RIMBP2: variants seen among roughly 807,000 people sequenced by gnomAD.
RIMBP2 encodes the protein RIMS binding protein 2.
A neutral mutation model predicts 118.6 loss-of-function variants in RIMBP2; 48 were observed. That is an observed-to-expected ratio of 0.40 (90% CI 0.32 to 0.51). The LOEUF (loss-of-function observed/expected upper bound fraction) is 0.51. Among genes scored for constraint, RIMBP2 ranks in the 20% least tolerant of loss-of-function variants. RIMBP2 has a pLI of 0.41. For missense variants in RIMBP2, 1,551 were observed against 1,768.3 expected, an observed-to-expected ratio of 0.88 and a Z score of 2.20; for synonymous variants, 762 against 742.9, an observed-to-expected ratio of 1.03 and a Z score of -0.42.
chr12:130,680,260 C>G (rs1409797480), intron 1 of RIMBP2, among the ~76,000 whole-genome samples: 1 of 152,200 alleles, frequency 6.6e-6, no homozygotes, highest in Admixed American at 6.5e-5. Context: ...GGAACTTTTC[C>G]TACAGGGATT....
intron 19 of RIMBP2, 88 bp downstream of exon 19, chr12:130,412,531 G>T: frequency 1.7e-6 from 2 of 1,208,280 alleles, no homozygotes; most frequent in Non-Finnish European, 1.2e-6. Context: ...GCAATTTGGG[G>T]TCTCCTCATC....
intron 1 of RIMBP2, among the ~76,000 whole-genome samples, chr12:130,663,159 A>G (rs1180902030): frequency 6.6e-6 from 1 of 152,178 alleles, no homozygotes; most frequent in Non-Finnish European, 1.5e-5. Flanking sequence ...CAAGAGGATA[A>G]CAGGGTGGAG....
chr12:130,635,538 A>G (rs2062299366), intron 1 of RIMBP2, among the ~76,000 whole-genome samples: 1 of 152,002 alleles, frequency 6.6e-6, no homozygotes, highest in African/African-American at 2.4e-5. Flanking sequence ...AATCATCCCC[A>G]CCTGGGACCC....
chr12:130,424,787 C>T lies in RIMBP2; in HGVS notation c.2484G>A (p.Arg828=). The T allele has an allele frequency of 8.1e-7, 1 of 1,232,942 alleles. No homozygotes were observed. Among genetic ancestry groups the T allele is most frequent in the Non-Finnish European group, 1.0e-6 (1 of 988,636 alleles). The allele number at this position is 1,232,942 out of a possible 1,614,324, so 76.4% of individuals were successfully genotyped here. A position where few individuals can be genotyped will look rare whatever the true frequency, so the allele number is the denominator to read the frequency against. Residue 828 remains arginine (R), a synonymous_variant, in exon 16 of 23, where the codon AGG becomes AGA. Coordinates refer to ENST00000690449, the MANE Select transcript of RIMBP2 (RefSeq NM_001393629.1). The surrounding 1 kb of genome is among the most constrained non-coding windows in gnomAD (Gnocchi z 9.8). ...CTTCGGGGATACTGAAAAGTCTCTTCCTGTGGGGCTGGTGGGGAAACTCGG... is the reference window on the plus strand; with the variant it reads ...CTTCGGGGATACTGAAAAGTCTCTTTCTGTGGGGCTGGTGGGGAAACTCGG... The part of the protein sequence containing the change: ...EQPEFPHQPH[R]KRLFSIPEVA...
rs766711323 is a variant in RIMBP2 at position 130,424,539 on chromosome 12, C to T, written c.2732G>A (p.Arg911His). The stretch of plus-strand genomic sequence containing the variant: ...GCTGTCCGGGCTCCGGGTGGCCGAG[C>T]GGCTGAACCGACAGCCCCTGTCTTC... ...LLEDRGCRFS[R>H]SATRSPDSGL... The change falls in exon 16 of 23, where the codon CGC becomes CAC. Residue 911 changes from arginine (R) to histidine (H), a missense_variant. By Grantham distance (29) the Arg-to-His change is conservative. Coordinates refer to ENST00000690449, the MANE Select transcript of RIMBP2 (RefSeq NM_001393629.1). This position sits in a 1 kb window ranked among gnomAD's most constrained non-coding sequence, Gnocchi z 9.8. 299 of 1,231,866 alleles carry T rather than the reference C, an allele frequency of 2.4e-4. No homozygotes were observed. Among genetic ancestry groups the T allele is most frequent in the Non-Finnish European group, 3.0e-4 (293 of 987,846 alleles). The allele number at this position is 1,231,866 out of a possible 1,614,324, so 76.3% of individuals were successfully genotyped here.
intron 2 of RIMBP2, among the ~76,000 whole-genome samples, chr12:130,580,362 G>A (rs1422105039): frequency 6.6e-6 from 1 of 152,106 alleles, no homozygotes; most frequent in African/African-American, 2.4e-5. Context: ...TGGTGAATAA[G>A]TCTCATGAGG....
chr12:130,448,227 G>C (rs1393547629), intron 9 of RIMBP2, among the ~76,000 whole-genome samples: 1 of 152,188 alleles, frequency 6.6e-6, no homozygotes, highest in Non-Finnish European at 1.5e-5. Flanking sequence ...GGCCACGGGA[G>C]AGGCAGATGT....
At chr12:130,580,438 T>C (rs1190861396) in intron 2 of RIMBP2, among the ~76,000 whole-genome samples, 1 of 152,304 alleles carries the variant, frequency 6.6e-6, no homozygotes, top group East Asian at 1.9e-4. Context: ...ACGTAAGATG[T>C]GTCTTCCCTC....
At chr12:130,453,311 G>A (rs1433241798) in intron 7 of RIMBP2, among the ~76,000 whole-genome samples, 1 of 152,244 alleles carries the variant, frequency 6.6e-6, no homozygotes, top group Non-Finnish European at 1.5e-5. Context: ...GCCTGCCCCA[G>A]CCACAGGCTG....
At position 130,525,632 on chromosome 12, in the gene RIMBP2, G is replaced by A. The variant is rs2052696657; in HGVS notation, c.-216-7715C>T. 6.6e-6 allele frequency among the ~76,000 whole-genome samples: 1 copy of A among 152,122 alleles called. No individual in the cohort carries two copies. Among genetic ancestry groups the A allele is most frequent in the Non-Finnish European group, 1.5e-5 (1 of 68,022 alleles). On this transcript the variant is annotated intron_variant, in intron 2 of 22. Transcript: ENST00000690449. This position sits in a 1 kb window ranked among gnomAD's most constrained non-coding sequence, Gnocchi z 4.4. ...CATGGGGGCATTGGCAGGTGCAGAT[G>A]GACACATGGGGAAGGCATGAGGGCA...
chr12:130,655,252 A>C (rs1432617490), intron 1 of RIMBP2, among the ~76,000 whole-genome samples: 1 of 152,246 alleles, frequency 6.6e-6, no homozygotes, highest in Non-Finnish European at 1.5e-5. Context: ...AGCCAGCATT[A>C]CTTCCCTGTT....
intron 2 of RIMBP2, among the ~76,000 whole-genome samples, chr12:130,615,276 C>CATACATATATAGAGATAT (rs1455080257): frequency 1.0e-5 from 1 of 100,266 alleles, no homozygotes; most frequent in African/African-American, 3.9e-5. Context: ...AATACACATA[C>CATACATATATAGAGATAT]ATATATATAT....
At chr12:130,664,922 G>A (rs2063852741) in intron 1 of RIMBP2, among the ~76,000 whole-genome samples, 1 of 151,754 alleles carries the variant, frequency 6.6e-6, no homozygotes, top group Admixed American at 6.5e-5. Flanking sequence ...AGGCCGGAGG[G>A]ACAACAGGAA....
At chr12:130,686,735 C>T (rs1197013926) in intron 1 of RIMBP2, among the ~76,000 whole-genome samples, 1 of 152,174 alleles carries the variant, frequency 6.6e-6, no homozygotes, top group Admixed American at 6.5e-5. Flanking sequence ...CCTCGACAGG[C>T]GTGAGGGGCA....
intron 2 of RIMBP2, among the ~76,000 whole-genome samples, chr12:130,541,749 C>G (rs1337512064): frequency 6.6e-6 from 1 of 152,254 alleles, no homozygotes; most frequent in Admixed American, 6.5e-5. Flanking sequence ...CCAGAAGCAA[C>G]ATTTACGTCA....
At chr12:130,537,194 G>T (rs899370857) in intron 2 of RIMBP2, among the ~76,000 whole-genome samples, 1 of 152,096 alleles carries the variant, frequency 6.6e-6, no homozygotes, top group Non-Finnish European at 1.5e-5. Flanking sequence ...ACACAGCATC[G>T]ACTGCAGCTG....
At position 130,412,713 on chromosome 12, in the gene RIMBP2, G is replaced by A. The variant is rs1360434588; in HGVS notation, c.3495C>T (p.Asn1165=). 6 of 1,613,784 alleles carry A rather than the reference G, an allele frequency of 3.7e-6. No homozygotes were observed. Among genetic ancestry groups the A allele is most frequent in the Non-Finnish European group, 5.1e-6 (6 of 1,179,942 alleles). The change falls in exon 19 of 23, where the codon AAC becomes AAT. Residue 1165 remains asparagine, a synonymous_variant. Transcript: ENST00000690449. ...CATCTGCTTGTATCTCAGAGACCAT[G>A]TTACAAGGAATAAGGCCAAGCCGGG... ...TCARLGLIPC[N]MVSEIQADDE... is the part of the protein sequence containing the mutation.
intron 2 of RIMBP2, among the ~76,000 whole-genome samples, chr12:130,522,002 C>T (rs11060968): frequency 0.064 from 9,740 of 152,206 alleles, 443 homozygotes; most frequent in East Asian, 0.15. Context: ...ATTTAATTGT[C>T]TGCAGCCACA....
chr12:130,399,037 G>A, intron 22 of RIMBP2: 2 of 661,780 alleles, frequency 3.0e-6, no homozygotes, highest in Non-Finnish European at 4.7e-6. Flanking sequence ...CCACAATGAA[G>A]CCTTAAGTCT....
Sources: allele counts gnomAD v4.1 joint callset (sites outside exome capture counted in the v4.1 genomes callset), GRCh38; gene constraint gnomAD v4.1.1; non-coding constraint Gnocchi (gnomAD v3.1); transcripts MANE v1.5; gene names NCBI Gene and HGNC (gene_info 2026-07-23, HGNC 2026-07-21).